PCDHGC3: variants seen among roughly 807,000 people sequenced by gnomAD.
PCDHGC3 encodes protocadherin gamma-C3.
A neutral mutation model predicts 59.2 loss-of-function variants in PCDHGC3; 26 were observed. The observed-to-expected ratio is 0.44, with a 90% CI of 0.32 to 0.61. The LOEUF is 0.61. PCDHGC3 is among the 20% of genes least tolerant of loss of function. The pLI is 0.05. For synonymous variants in PCDHGC3, 487 were observed against 519.7 expected (o/e 0.94, Z 0.86); for missense variants, 1,080 against 1,221.8 (o/e 0.88, Z 1.73).
rs377248872 is a variant in PCDHGC3 at position 141,489,231 on chromosome 5, C to T, written c.2431-5576C>T. 2 of 1,528,166 alleles carry T rather than the reference C, an allele frequency of 1.3e-6. No homozygotes were observed. The highest frequency in any genetic ancestry group is 1.4e-5 in the African/African-American group (1 of 72,140). The allele number at this position is 1,528,166 out of a possible 1,614,324, so 94.7% of individuals were successfully genotyped here. A position where few individuals can be genotyped will look rare whatever the true frequency, so the allele number is the denominator to read the frequency against. On this transcript the variant is annotated intron_variant, in intron 1 of 3. Transcript: ENST00000308177. This position sits in a 1 kb window ranked among gnomAD's most constrained non-coding sequence, Gnocchi z 4.5. ...CACAGACTTACTCTCCACAAAGGGA[C>T]TTCTGGGTCATGGGGCCCAAGACAC...
At position 141,487,329 on chromosome 5, in the gene PCDHGC3, C is replaced by T; in HGVS notation, c.2431-7478C>T. On this transcript the variant is annotated intron_variant, in intron 1 of 3. Coordinates refer to ENST00000308177, the MANE Select transcript of PCDHGC3 (RefSeq NM_002588.4). This position sits in a 1 kb window ranked among gnomAD's most constrained non-coding sequence, Gnocchi z 5.0. Reference sequence around the variant, plus strand: ...CTACTCTCTAAGTGTCTTCGTGGGGCAGCCTGTGGAGTCACATGCTTTCCT... The same window carrying T: ...CTACTCTCTAAGTGTCTTCGTGGGGTAGCCTGTGGAGTCACATGCTTTCCT... 1 of 1,614,170 alleles carries T rather than the reference C, an allele frequency of 6.2e-7. No homozygotes were observed. The highest frequency in any genetic ancestry group is 1.1e-5 in the South Asian group (1 of 91,070).
chr5:141,511,713 C>T lies in PCDHGC3; in HGVS notation c.*540C>T. 5.4e-6 allele frequency: 1 copy of T among 186,446 alleles called. No individual in the cohort carries two copies. Among genetic ancestry groups the T allele is most frequent in the Admixed American group, 5.3e-5 (1 of 18,840 alleles). The allele number at this position is 186,446 out of a possible 1,614,324, so 11.5% of individuals were successfully genotyped here. ...TTGGTGCCAGCCCCTTCACCTCCTT[C>T]CAGAGCCCAAGATCAATGCTCAAGT... On this transcript the variant is annotated 3_prime_UTR_variant, in exon 4 of 4. Transcript: ENST00000308177.
Position 141,476,231 on chromosome 5 carries a change from G to A in PCDHGC3, c.115G>A (p.Glu39Lys). The A allele has an allele frequency of 6.2e-7, 1 of 1,614,084 alleles. No individual in the cohort carries two copies. Among genetic ancestry groups the A allele is most frequent in the Non-Finnish European group, 8.5e-7 (1 of 1,180,034 alleles). The change falls in exon 1 of 4, where the codon GAG becomes AAG. Residue 39 changes from glutamate to lysine, a missense_variant. Coordinates refer to ENST00000308177, the MANE Select transcript of PCDHGC3 (RefSeq NM_002588.4). The surrounding 1 kb of genome is among the most constrained non-coding windows in gnomAD (Gnocchi z 7.6). Reference protein sequence around the residue: ...ASTVIHYEIPEEREKGFAVGN... With the variant: ...ASTVIHYEIPKEREKGFAVGN... ...CACGGTCATTCACTATGAGATCCCG[G>A]AGGAAAGAGAGAAGGGTTTCGCTGT...
rs748803155 is a variant in PCDHGC3, at chr5:141,490,087, G to C, written c.2431-4720G>C. ...CGGCCAACTAGACTATTCTTTTGGAGACCACACATCTGAGGCAGTGCGGAA... is the reference window on the plus strand; with the variant it reads ...CGGCCAACTAGACTATTCTTTTGGACACCACACATCTGAGGCAGTGCGGAA... On this transcript the variant is annotated intron_variant, in intron 1 of 3. Transcript: ENST00000308177. The surrounding 1 kb of genome is among the most constrained non-coding windows in gnomAD (Gnocchi z 5.4). 1.9e-6 allele frequency: 3 copies of C among 1,614,244 alleles called. No individual in the cohort carries two copies. Among genetic ancestry groups the C allele is most frequent in the Non-Finnish European group, 2.5e-6 (3 of 1,180,044 alleles).
At position 141,511,319 on chromosome 5, in the gene PCDHGC3, C is replaced by T. The variant is rs2099883711; in HGVS notation, c.*146C>T. On this transcript the variant is annotated 3_prime_UTR_variant, in exon 4 of 4. Coordinates refer to ENST00000308177, the MANE Select transcript of PCDHGC3 (RefSeq NM_002588.4). ...CCATGCTCCCCTTGGGAAACAGAAA[C>T]AAGTGCCCAGTCAGCACCTACCCCT... 1.4e-6 allele frequency: 2 copies of T among 1,477,302 alleles called. No homozygotes were observed. The highest frequency in any genetic ancestry group is 1.4e-5 in the African/African-American group (1 of 70,920). 91.5% of individuals were successfully genotyped at this position (1,477,302 alleles called of 1,614,324 possible).
chr5:141,476,229 C>A lies in PCDHGC3; in HGVS notation c.113C>A (p.Pro38Gln), dbSNP rs761790915. The A allele has an allele frequency of 1.9e-6, 3 of 1,613,872 alleles. No homozygotes were observed. The South Asian group carries it at 3.3e-5, about 18-fold the overall frequency. The part of the protein sequence containing the change: ...KASTVIHYEI[P>Q]EEREKGFAVG... ...TCCACGGTCATTCACTATGAGATCC[C>A]GGAGGAAAGAGAGAAGGGTTTCGCT... The change falls in exon 1 of 4, where the codon CCG becomes CAG. Residue 38 changes from proline (P) to glutamine (Q), a missense_variant. Transcript: ENST00000308177. This position sits in a 1 kb window ranked among gnomAD's most constrained non-coding sequence, Gnocchi z 7.6.
rs1338955892 is a variant in PCDHGC3, at chr5:141,502,521, T to C, written c.2490-2872T>C. 5.9e-5 allele frequency among the ~76,000 whole-genome samples: 9 copies of C among 152,338 alleles called. No homozygotes were observed. In the East Asian group the frequency reaches 1.7e-3, roughly 29 times the overall value. The stretch of plus-strand genomic sequence containing the variant: ...CGTCGGCCTGTCCCACTATCAGTGA[T>C]GCCGAGTTTGTTCGTGTGGTAAAAA... On this transcript the variant is annotated intron_variant, in intron 2 of 3. Transcript: ENST00000308177.
At chr5:141,478,904 T>G in intron 1 of PCDHGC3, 1 of 958,800 alleles carries the variant, frequency 1.0e-6, no homozygotes, top group Non-Finnish European at 1.5e-6. Context: ...AGGAATAAGC[T>G]GCTGGATACC....
At position 141,478,159 on chromosome 5, in the gene PCDHGC3, T is replaced by C. The variant is rs1456465606; in HGVS notation, c.2043T>C (p.Ser681=). ...CCCGAGCCGAGTTCCCCTCTGGCTC[T>C]GCCCCCCGGGAGCAGAAAAAAAATC... ...PEARAEFPSG[S]APREQKKNLT... The change falls in exon 1 of 4, where the codon TCT becomes TCC. Residue 681 remains serine, a synonymous_variant. Transcript: ENST00000308177. 2 of 1,614,064 alleles carry C rather than the reference T, an allele frequency of 1.2e-6. No individual in the cohort carries two copies. The highest frequency in any genetic ancestry group is 1.7e-5 in the Admixed American group (1 of 60,026).
At position 141,487,025 on chromosome 5, in the gene PCDHGC3, C is replaced by T. The variant is rs769789352; in HGVS notation, c.2431-7782C>T. On this transcript the variant is annotated intron_variant, in intron 1 of 3. Transcript: ENST00000308177. This position sits in a 1 kb window ranked among gnomAD's most constrained non-coding sequence, Gnocchi z 5.0. ...GCTCCTGGAGGCCCCAGATCCCAGCCTGTTTGCAGTCTCTCGATATGCTGG... is the reference window on the plus strand; with the variant it reads ...GCTCCTGGAGGCCCCAGATCCCAGCTTGTTTGCAGTCTCTCGATATGCTGG... 1.9e-6 allele frequency: 3 copies of T among 1,614,216 alleles called. No homozygotes were observed. Among genetic ancestry groups the T allele is most frequent in the Non-Finnish European group, 2.5e-6 (3 of 1,180,050 alleles).
intron 2 of PCDHGC3, among the ~76,000 whole-genome samples, chr5:141,496,769 C>T (rs1434587849): frequency 2.0e-5 from 3 of 152,064 alleles, no homozygotes; most frequent in African/African-American, 7.3e-5. Flanking sequence ...CGAGCATCTA[C>T]TATGAGCAGG....
intron 1 of PCDHGC3, among the ~76,000 whole-genome samples, chr5:141,481,153 A>G (rs1376488411): frequency 2.0e-5 from 3 of 152,224 alleles, no homozygotes; most frequent in Non-Finnish European, 4.4e-5. Context: ...TTATTCTGGT[A>G]TTTGCAGAAC....
At chr5:141,499,689 CTTTTTTTTTTT>C in intron 2 of PCDHGC3, among the ~76,000 whole-genome samples, 1 of 119,852 alleles carries the variant, frequency 8.3e-6, no homozygotes, top group Non-Finnish European at 1.7e-5. Context: ...TAACAGATGA[CTTTTTTTTTTT>C]TTTTTTTTTT....
intron 1 of PCDHGC3, among the ~76,000 whole-genome samples, chr5:141,484,021 G>A (rs892390865): frequency 2.6e-5 from 4 of 151,080 alleles, no homozygotes; most frequent in African/African-American, 9.7e-5. Context: ...GGGGTGGGGT[G>A]AGATCAAGTC....
intron 2 of PCDHGC3, among the ~76,000 whole-genome samples, chr5:141,501,506 G>A (rs770097282): frequency 1.3e-5 from 2 of 151,864 alleles, no homozygotes; most frequent in Non-Finnish European, 2.9e-5. Context: ...GGGGCTCCAA[G>A]GCCTCCAAGC....
chr5:141,477,260 G>A lies in PCDHGC3; in HGVS notation c.1144G>A (p.Gly382Ser). The change falls in exon 1 of 4, where the codon GGC (glycine) becomes AGC (serine). Residue 382 changes from glycine to serine, a missense_variant. By Grantham distance (56) the Gly-to-Ser change is moderately conservative. Coordinates refer to ENST00000308177, the MANE Select transcript of PCDHGC3 (RefSeq NM_002588.4). This position sits in a 1 kb window ranked among gnomAD's most constrained non-coding sequence, Gnocchi z 4.9. ...GCTCAGTGTGACTGACCTGGATGCTGGCGAGAACGGGCTGGTGACCTGCGA... is the reference window on the plus strand; with the variant it reads ...GCTCAGTGTGACTGACCTGGATGCTAGCGAGAACGGGCTGGTGACCTGCGA... ...ALLSVTDLDA[G>S]ENGLVTCEVP... is the part of the protein sequence containing the mutation. 6.2e-7 allele frequency: 1 copy of A among 1,614,200 alleles called. No homozygotes were observed. Among genetic ancestry groups the A allele is most frequent in the Non-Finnish European group, 8.5e-7 (1 of 1,180,048 alleles).
At chr5:141,497,745 G>C (rs1475395529) in intron 2 of PCDHGC3, among the ~76,000 whole-genome samples, 1 of 152,070 alleles carries the variant, frequency 6.6e-6, no homozygotes, top group Non-Finnish European at 1.5e-5. Flanking sequence ...CGCCACGTTG[G>C]CCAGGCTGGT....
chr5:141,485,214 G>T lies in PCDHGC3; in HGVS notation c.2430+6668G>T. 6.2e-7 allele frequency: 1 copy of T among 1,614,164 alleles called. No individual in the cohort carries two copies. The highest frequency in any genetic ancestry group is 8.5e-7 in the Non-Finnish European group (1 of 1,179,996). On this transcript the variant is annotated intron_variant, in intron 1 of 3. Transcript: ENST00000308177. This position sits in a 1 kb window ranked among gnomAD's most constrained non-coding sequence, Gnocchi z 5.7. ...AGAAGCTGGACAGAAATCTGGCGGT[G>T]GGCTACCCTTTTGTTCCTCTTTTAC...
chr5:141,508,901 C>T (rs1466455227), intron 3 of PCDHGC3, among the ~76,000 whole-genome samples: 1 of 151,946 alleles, frequency 6.6e-6, no homozygotes, highest in South Asian at 2.1e-4. Flanking sequence ...GGGGGCGGGG[C>T]GGTGGCGGAT....
Sources: allele counts gnomAD v4.1 joint callset (sites outside exome capture counted in the v4.1 genomes callset), GRCh38; gene constraint gnomAD v4.1.1; non-coding constraint Gnocchi (gnomAD v3.1); transcripts MANE v1.5; gene names NCBI Gene and HGNC (gene_info 2026-07-23, HGNC 2026-07-21).